Variants in ZFPM2 observed in about 807,000 individuals in gnomAD.
ZFPM2 encodes zinc finger protein, FOG family member 2, also known as zinc finger protein ZFPM2.
In ZFPM2, 20 loss-of-function variants were observed where a neutral mutation model predicts 98.6. That is an observed-to-expected ratio of 0.20 (90% CI 0.14 to 0.29). The LOEUF is 0.29. Among genes scored for constraint, ZFPM2 ranks in the 10% least tolerant of loss-of-function variants. ZFPM2 has a pLI of 1.00. For synonymous variants in ZFPM2, 518 were observed against 502.7 expected (o/e 1.03, Z -0.41); for missense variants, 1,310 against 1,388.6 (o/e 0.94, Z 0.90).
chr8:105,708,901 A>G (rs1811321159), intron 5 of ZFPM2, among the ~76,000 whole-genome samples: 1 of 152,232 alleles, frequency 6.6e-6, no homozygotes, highest in African/African-American at 2.4e-5. Flanking sequence ...GTGATAAAGT[A>G]AAATCATCCA....
At chr8:105,475,458 A>G (rs2130364394) in intron 3 of ZFPM2, among the ~76,000 whole-genome samples, 1 of 152,298 alleles carries the variant, frequency 6.6e-6, no homozygotes, top group South Asian at 2.1e-4. Flanking sequence ...AAAACCTTTG[A>G]TTGTTGGCAG....
At position 105,396,578 on chromosome 8, in the gene ZFPM2, G is replaced by A. The variant is rs1277764015; in HGVS notation, c.41-22566G>A. Among the ~76,000 whole-genome samples the A allele has an allele frequency of 2.0e-5, 3 of 152,138 alleles. No individual in the cohort carries two copies. In the East Asian group the frequency reaches 5.8e-4, roughly 29 times the overall value. On this transcript the variant is annotated intron_variant, in intron 1 of 7. Coordinates refer to ENST00000407775, the MANE Select transcript of ZFPM2 (RefSeq NM_012082.4). The stretch of plus-strand genomic sequence containing the variant: ...GACCCCTTTTAGGTAAAAGAAGTTA[G>A]GAATGAAGATTGGTTCAGACATCAG...
intron 5 of ZFPM2, among the ~76,000 whole-genome samples, chr8:105,686,789 G>A (rs1444844964): frequency 6.6e-6 from 1 of 152,090 alleles, no homozygotes; most frequent in Non-Finnish European, 1.5e-5. Flanking sequence ...ACAAGGCTTA[G>A]CTTTAAAGTG....
intron 1 of ZFPM2, among the ~76,000 whole-genome samples, chr8:105,385,027 T>C (rs1007682774): frequency 6.6e-6 from 1 of 152,156 alleles, no homozygotes; most frequent in Non-Finnish European, 1.5e-5. Context: ...AACTGAGACC[T>C]AGAGAGGTCT....
At chr8:105,657,003 C>T (rs983433188) in intron 5 of ZFPM2, among the ~76,000 whole-genome samples, 4 of 151,884 alleles carry the variant, frequency 2.6e-5, no homozygotes, top group Non-Finnish European at 5.9e-5. Flanking sequence ...TTTTTTGTTG[C>T]CCTAGTTTCT....
At chr8:105,749,766 G>A (rs73305097) in intron 5 of ZFPM2, among the ~76,000 whole-genome samples, 2 of 151,872 alleles carry the variant, frequency 1.3e-5, no homozygotes, top group African/African-American at 4.8e-5. Flanking sequence ...AGGTGGAAGG[G>A]AAAAGGAGGA....
chr8:105,801,203 C>T lies in ZFPM2; in HGVS notation c.1121C>T (p.Thr374Ile). The T allele has an allele frequency of 6.2e-7, 1 of 1,613,932 alleles. No individual in the cohort carries two copies. Among genetic ancestry groups the T allele is most frequent in the Non-Finnish European group, 8.5e-7 (1 of 1,179,866 alleles). The change falls in exon 8 of 8, where the codon ACT becomes ATT. Residue 374 changes from threonine to isoleucine, a missense_variant. Transcript: ENST00000407775. ...RCNHCHFGFQ[T>I]QRELLQHQEL... The stretch of plus-strand genomic sequence containing the variant: ...AATCACTGCCATTTCGGCTTCCAGA[C>T]TCAGAGGGAGTTATTGCAGCACCAG...
chr8:105,318,999 G>A lies in ZFPM2; in HGVS notation c.40+18G>A, dbSNP rs1811965720. ...GATCAAACGTAAGTTTGCGCGCGGG[G>A]CCGGGAGTTGGTGGGATTATTGCCC... On this transcript the variant is annotated intron_variant, in intron 1 of 7. Transcript: ENST00000407775. 2 of 1,492,778 alleles carry A rather than the reference G, an allele frequency of 1.3e-6. No individual in the cohort carries two copies. Among genetic ancestry groups the A allele is most frequent in the Non-Finnish European group, 1.8e-6 (2 of 1,113,418 alleles). 92.5% of individuals were successfully genotyped at this position (1,492,778 alleles called of 1,614,324 possible).
chr8:105,637,744 A>G (rs969216189), intron 5 of ZFPM2, among the ~76,000 whole-genome samples: 1 of 152,104 alleles, frequency 6.6e-6, no homozygotes, highest in Non-Finnish European at 1.5e-5. Flanking sequence ...ATCCAAACAC[A>G]CTGGACTCAG....
rs1469111582 is a variant in ZFPM2 at position 105,456,219 on chromosome 8, T to C, written c.301+11838T>C. Among the ~76,000 whole-genome samples, 4 of 148,332 alleles carry C rather than the reference T, an allele frequency of 2.7e-5. No homozygotes were observed. In the East Asian group the frequency reaches 8.2e-4, roughly 30 times the overall value. On this transcript the variant is annotated intron_variant, in intron 3 of 7. Coordinates refer to ENST00000407775, the MANE Select transcript of ZFPM2 (RefSeq NM_012082.4). ...ATGCCTGGCTTAAATGGTGCTGAGA[T>C]GCCAAGATGGAGATTTAAGAATTTC...
chr8:105,473,108 C>T (rs1182156771), intron 3 of ZFPM2, among the ~76,000 whole-genome samples: 1 of 151,834 alleles, frequency 6.6e-6, no homozygotes, highest in Non-Finnish European at 1.5e-5. Flanking sequence ...CAATATGTTG[C>T]TTAGGCTGGT....
intron 4 of ZFPM2, among the ~76,000 whole-genome samples, chr8:105,591,389 C>G (rs1815839566): frequency 6.6e-6 from 1 of 152,016 alleles, no homozygotes; most frequent in Admixed American, 6.6e-5. Context: ...GATATAGGGT[C>G]TAATTGTTCA....
rs1817200528 is a variant in ZFPM2, at chr8:105,652,412, G to T, written c.532+18055G>T. ...CTGTGAAGACTGTCAAACAACAGTA[G>T]GGTCAACCAAATAGTATACCATGGT... On this transcript the variant is annotated intron_variant, in intron 5 of 7. Coordinates refer to ENST00000407775, the MANE Select transcript of ZFPM2 (RefSeq NM_012082.4). Among the ~76,000 whole-genome samples, 3 of 150,930 alleles carry T rather than the reference G, an allele frequency of 2.0e-5. No homozygotes were observed. The South Asian group carries it at 6.3e-4, about 31-fold the overall frequency.
At chr8:105,348,751 T>C (rs542396138) in intron 1 of ZFPM2, among the ~76,000 whole-genome samples, 2 of 152,288 alleles carry the variant, frequency 1.3e-5, no homozygotes, top group Non-Finnish European at 2.9e-5. Context: ...AGATAATTCA[T>C]TTAAAAATAG....
At chr8:105,406,061 G>T (rs1405912245) in intron 1 of ZFPM2, among the ~76,000 whole-genome samples, 1 of 152,042 alleles carries the variant, frequency 6.6e-6, no homozygotes, top group Non-Finnish European at 1.5e-5. Context: ...TGTGTGTTTT[G>T]GCTGCATAAA....
At chr8:105,659,654 A>G (rs2130883823) in intron 5 of ZFPM2, among the ~76,000 whole-genome samples, 1 of 152,328 alleles carries the variant, frequency 6.6e-6, no homozygotes, top group East Asian at 1.9e-4. Context: ...AATACATTTA[A>G]AGCTCTCACT....
chr8:105,639,202 G>A (rs2130847951), intron 5 of ZFPM2, among the ~76,000 whole-genome samples: 1 of 152,104 alleles, frequency 6.6e-6, no homozygotes, highest in Admixed American at 6.6e-5. Flanking sequence ...CTTCTTATAT[G>A]CTATCTACCG....
intron 5 of ZFPM2, among the ~76,000 whole-genome samples, chr8:105,716,526 T>C (rs1811528074): frequency 6.6e-6 from 1 of 152,048 alleles, no homozygotes; most frequent in African/African-American, 2.4e-5. Flanking sequence ...CAATCAGGTA[T>C]ATTAAAATAG....
intron 1 of ZFPM2, among the ~76,000 whole-genome samples, chr8:105,336,101 A>G (rs75145921): frequency 0.011 from 1,677 of 151,982 alleles, 14 homozygotes; most frequent in African/African-American, 0.032. Flanking sequence ...TTATACAATC[A>G]TTCTTTAGAG....
Sources: gnomAD v4.1 joint callset for allele counts (sites outside exome capture counted in the v4.1 genomes callset) on GRCh38, gnomAD v4.1.1 for gene constraint, MANE v1.5 for transcripts, NCBI Gene and HGNC (gene_info 2026-07-23, HGNC 2026-07-21) for gene names.